Variants in NUP188 observed in about 807,000 individuals in gnomAD.
NUP188 encodes the protein nucleoporin NUP188.
NUP188 carries 97 observed loss-of-function variants against 223.0 expected under a neutral mutation model. That is an observed-to-expected ratio of 0.43 (90% confidence interval 0.37 to 0.51). NUP188 has a LOEUF of 0.51. NUP188 is among the 20% of genes least tolerant of loss of function. The probability of loss-of-function intolerance (pLI) is 0.00; values close to 1 mark genes in which losing one functional copy is unlikely to be tolerated. For missense variants in NUP188, 1,947 were observed against 2,175.6 expected, an observed-to-expected ratio of 0.89 and a Z score of 2.09; for synonymous variants, 869 against 828.0, an observed-to-expected ratio of 1.05 and a Z score of -0.85.
Position 128,970,793 on chromosome 9 carries a change from T to C in NUP188, c.948T>C (p.Ile316=). 1 of 1,614,182 alleles carries C rather than the reference T, an allele frequency of 6.2e-7. No individual in the cohort carries two copies. Among genetic ancestry groups the C allele is most frequent in the African/African-American group, 1.3e-5 (1 of 75,046 alleles). ...MDCLMLTFGD[I]PHHAPVLLAW... ...GTTTAATGTTGACCTTTGGGGACAT[T>C]CCACATCATGCCCCAGTGCTTTTGG... is the stretch of plus-strand genomic sequence containing the variant. Residue 316 remains isoleucine, a synonymous_variant, in exon 11 of 44, where the codon ATT becomes ATC. Coordinates refer to ENST00000372577, the MANE Select transcript of NUP188 (RefSeq NM_015354.3).
At chr9:128,983,270 A>G (rs775644167) in intron 17 of NUP188, 23 bp from the exon 18 acceptor site, 14 of 1,597,154 alleles carry the variant, frequency 8.8e-6, no homozygotes, top group Admixed American at 1.7e-5. Context: ...TTTATTGAGT[A>G]TAGTGTATTG....
chr9:128,993,595 G>C lies in NUP188; in HGVS notation c.2918G>C (p.Arg973Pro). 1 of 1,614,160 alleles carries C rather than the reference G, an allele frequency of 6.2e-7. No individual in the cohort carries two copies. Among genetic ancestry groups the C allele is most frequent in the Non-Finnish European group, 8.5e-7 (1 of 1,180,028 alleles). The change falls in exon 27 of 44, where the codon CGA becomes CCA. Residue 973 changes from arginine (R) to proline (P), a missense_variant. Around this residue, in one of 3 missense-constraint regions of NUP188, gnomAD observed 905 missense variants for 990.6 expected, o/e 0.91. Coordinates refer to ENST00000372577, the MANE Select transcript of NUP188 (RefSeq NM_015354.3). ...CTGATTGATTCCCAACAGCAAGATC[G>C]ATACTGGTGCCCACCCCTGCTGCAT... ...LELIDSQQQD[R>P]YWCPPLLHRA...
chr9:128,982,171 T>C (rs1357012498), intron 15 of NUP188, among the ~76,000 whole-genome samples: 1 of 151,972 alleles, frequency 6.6e-6, no homozygotes, highest in African/African-American at 2.4e-5. Context: ...GAAGAAAGCC[T>C]GTGAATCCCA....
At chr9:128,968,794 G>A in intron 9 of NUP188, 77 bp downstream of exon 9, 1 of 1,122,272 alleles carries the variant, frequency 8.9e-7, no homozygotes, top group African/African-American at 1.5e-5. Flanking sequence ...AAGCAGGTAG[G>A]GGGTAGGTGT....
intron 8 of NUP188, among the ~76,000 whole-genome samples, chr9:128,966,117 AT>A (rs1842023678): frequency 7.0e-6 from 1 of 141,852 alleles, no homozygotes; most frequent in Non-Finnish European, 1.5e-5. Flanking sequence ...TTTAAAATAG[AT>A]TTCTGCCTCC....
rs369672091 is a variant in NUP188 at position 128,993,377 on chromosome 9, G to A, written c.2821G>A (p.Val941Ile). 1.2e-4 allele frequency: 190 copies of A among 1,614,110 alleles called. No individual in the cohort carries two copies. The highest frequency in any genetic ancestry group is 1.5e-4 in the Non-Finnish European group (182 of 1,180,048). ...GLIELFLNLE[V>I]KDGSDGSKEF... ...CATCGAACTGTTTCTGAACCTGGAA[G>A]TTAAGGATGGCAGTGATGGCTCAAA... The change falls in exon 26 of 44, where the codon GTT becomes ATT. Residue 941 changes from valine (V) to isoleucine (I), a missense_variant. Around this residue, in one of 3 missense-constraint regions of NUP188, gnomAD observed 225 missense variants for 319.1 expected, o/e 0.71. Transcript: ENST00000372577.
intron 25 of NUP188, among the ~76,000 whole-genome samples, chr9:128,990,909 CT>C (rs1197045328): frequency 6.6e-6 from 1 of 151,870 alleles, no homozygotes; most frequent in African/African-American, 2.4e-5. Context: ...ATCCCAGCTA[CT>C]TGGGAGCCTG....
chr9:128,968,462 T>C, intron 8 of NUP188, 44 bp from the exon 9 acceptor site: 1 of 1,460,284 alleles, frequency 6.8e-7, no homozygotes, highest in East Asian at 2.3e-5. Context: ...CTGTTTTTAA[T>C]CTCATGTTAT....
At chr9:128,987,135 GTGTATA>G (rs1842348740) in intron 22 of NUP188, among the ~76,000 whole-genome samples, 1 of 145,936 alleles carries the variant, frequency 6.9e-6, no homozygotes, top group Non-Finnish European at 1.5e-5. Flanking sequence ...GTGTGTGTAT[GTGTATA>G]CATACACTAA....
chr9:128,968,487 G>C lies in NUP188; in HGVS notation c.586-19G>C. 6.3e-7 allele frequency: 1 copy of C among 1,594,594 alleles called. No individual in the cohort carries two copies. Among genetic ancestry groups the C allele is most frequent in the Non-Finnish European group, 8.6e-7 (1 of 1,164,794 alleles). On this transcript the variant is annotated intron_variant, in intron 8 of 43. Coordinates refer to ENST00000372577, the MANE Select transcript of NUP188 (RefSeq NM_015354.3). The stretch of plus-strand genomic sequence containing the variant: ...TCTCATGTTATTTCTCTCCCATTTT[G>C]TTTTCATTGGTTGTACAGACAGAGC...
intron 30 of NUP188, 41 bp downstream of exon 30, chr9:128,995,555 G>C (rs1250644987): frequency 6.7e-7 from 1 of 1,498,826 alleles, no homozygotes; most frequent in Non-Finnish European, 9.0e-7. Context: ...TGGTACCTTA[G>C]CAATGATGTG....
At position 128,973,220 on chromosome 9, in the gene NUP188, T is replaced by C; in HGVS notation, c.1174T>C (p.Leu392=). Residue 392 remains leucine, a synonymous_variant, in exon 12 of 44, where the codon TTG becomes CTG. Coordinates refer to ENST00000372577, the MANE Select transcript of NUP188 (RefSeq NM_015354.3). ...YGLLSFVLTS[L]ELHTLGNQQD... is the part of the protein sequence containing the mutation. The stretch of plus-strand genomic sequence containing the variant: ...ACTGCTCTCTTTCGTTCTGACCTCG[T>C]TGGAGCTGCACACCCTGGGCAATCA... The C allele has an allele frequency of 1.2e-6, 2 of 1,613,580 alleles. No individual in the cohort carries two copies. The highest frequency in any genetic ancestry group is 1.7e-6 in the Non-Finnish European group (2 of 1,179,946).
At chr9:128,964,932 C>T (rs1020642929) in intron 8 of NUP188, among the ~76,000 whole-genome samples, 6 of 151,960 alleles carry the variant, frequency 3.9e-5, no homozygotes, top group African/African-American at 1.2e-4. Context: ...AGTCTCACTC[C>T]TGACCTCAGG....
At chr9:128,966,288 T>TG (rs1842030096) in intron 8 of NUP188, among the ~76,000 whole-genome samples, 6 of 136,844 alleles carry the variant, frequency 4.4e-5, no homozygotes, top group Admixed American at 2.2e-4. Context: ...GTGTGTGTGT[T>TG]TGTGTGTGTG....
chr9:128,999,585 T>A lies in NUP188; in HGVS notation c.3662-39T>A, dbSNP rs758155822. ...CCTTGGTGTACAGTGAGAGTTGGCCTGGTGAGCATGACAGTGTCCCTCCCT... is the reference window on the plus strand; with the variant it reads ...CCTTGGTGTACAGTGAGAGTTGGCCAGGTGAGCATGACAGTGTCCCTCCCT... On this transcript the variant is annotated intron_variant, in intron 33 of 43. Transcript: ENST00000372577. 2.5e-6 allele frequency: 4 copies of A among 1,597,794 alleles called. No homozygotes were observed. The Admixed American group carries it at 6.7e-5, about 27-fold the overall frequency.
Position 128,947,737 on chromosome 9 carries a change from C to G in NUP188, c.18C>G (p.Gly6=). Residue 6 remains glycine (G), a synonymous_variant, in exon 1 of 44, where the codon GGC becomes GGG. Coordinates refer to ENST00000372577, the MANE Select transcript of NUP188 (RefSeq NM_015354.3). MAAAA[G]GPCVRSSREL... ...GCGCGAAGATGGCGGCGGCCGCCGG[C>G]GGGCCGTGTGTGAGGTGCGGAGCGG... 6.8e-7 allele frequency: 1 copy of G among 1,470,362 alleles called. No homozygotes were observed. The highest frequency in any genetic ancestry group is 9.0e-7 in the Non-Finnish European group (1 of 1,112,998). The allele number at this position is 1,470,362 out of a possible 1,614,324, so 91.1% of individuals were successfully genotyped here. A position where few individuals can be genotyped will look rare whatever the true frequency, so the allele number is the denominator to read the frequency against.
At chr9:128,954,334 C>T (rs1466911674) in intron 3 of NUP188, among the ~76,000 whole-genome samples, 1 of 149,334 alleles carries the variant, frequency 6.7e-6, no homozygotes, top group South Asian at 2.1e-4. Flanking sequence ...CCTGCCTCAG[C>T]CTCCCGAGTA....
At chr9:128,995,249 A>G (rs551197150) in intron 29 of NUP188, 70 bp from the exon 30 acceptor site, 9 of 1,300,408 alleles carry the variant, frequency 6.9e-6, no homozygotes. Flanking sequence ...CTGCCTCAAC[A>G]AGGGTCTGTA....
chr9:128,986,655 C>G lies in NUP188; in HGVS notation c.2174C>G (p.Ser725Cys), dbSNP rs367998562. 9.3e-6 allele frequency: 15 copies of G among 1,614,098 alleles called. No individual in the cohort carries two copies. Among genetic ancestry groups the G allele is most frequent in the African/African-American group, 2.7e-5 (2 of 74,918 alleles). ...AGCTACCATAAGTGGCGCTACAACT[C>G]TCATGGAGTGAGGGAACAGATTGGT... ...LPSYHKWRYN[S>C]HGVREQIGCL... The change falls in exon 21 of 44, where the codon TCT becomes TGT. Residue 725 changes from serine (S) to cysteine (C), a missense_variant. By Grantham distance (112) the Ser-to-Cys change is moderately radical. Around this residue, in one of 3 missense-constraint regions of NUP188, gnomAD observed 225 missense variants for 319.1 expected, o/e 0.71. Transcript: ENST00000372577.
Sources: allele counts gnomAD v4.1 joint callset (sites outside exome capture counted in the v4.1 genomes callset), GRCh38; gene constraint gnomAD v4.1.1; regional missense constraint gnomAD v4.1.1; transcripts MANE v1.5; gene names NCBI Gene and HGNC (gene_info 2026-07-23, HGNC 2026-07-21).